The following MAML3 variants were observed in gnomAD, a reference collection of about 807,000 sequenced individuals.
MAML3 encodes the protein mastermind-like protein 3.
MAML3 carries 27 observed loss-of-function variants against 101.9 expected under a neutral mutation model. That is an observed-to-expected ratio of 0.27 (90% CI 0.20 to 0.37). The LOEUF (loss-of-function observed/expected upper bound fraction) is 0.37. MAML3 is among the 10% of genes least tolerant of loss of function. The pLI is 1.00. For missense variants in MAML3, 1,316 were observed against 1,444.9 expected (o/e 0.91, Z 1.45); for synonymous variants, 501 against 555.9 (o/e 0.90, Z 1.39).
At chr4:140,050,695 A>G (rs1280566706) in intron 1 of MAML3, among the ~76,000 whole-genome samples, 1 of 152,202 alleles carries the variant, frequency 6.6e-6, no homozygotes, top group Non-Finnish European at 1.5e-5. Context: ...TTCTATAGGC[A>G]GGAGTCCTCA....
chr4:139,760,327 A>G (rs183947634), intron 2 of MAML3, among the ~76,000 whole-genome samples: 1 of 152,342 alleles, frequency 6.6e-6, no homozygotes, highest in East Asian at 1.9e-4. Context: ...TCAGGTGAAC[A>G]AGAAACCAGC....
At position 139,745,325 on chromosome 4, in the gene MAML3, C is replaced by T. The variant is rs770649574; in HGVS notation, c.2080-14658G>A. Among the ~76,000 whole-genome samples, 32 of 152,162 alleles carry T rather than the reference C, an allele frequency of 2.1e-4. No homozygotes were observed. In the East Asian group the frequency reaches 2.7e-3, roughly 13 times the overall value. ...ACAGCAGGTTCTTAAAGGGAATAAA[C>T]GCTAAATGCATTACTTTAAGGAGAT... On this transcript the variant is annotated intron_variant, in intron 2 of 4. Transcript: ENST00000509479.
chr4:139,928,275 G>A (rs1057118890), intron 1 of MAML3, among the ~76,000 whole-genome samples: 1 of 152,166 alleles, frequency 6.6e-6, no homozygotes, highest in Non-Finnish European at 1.5e-5. Context: ...GATTGATTTG[G>A]AAATGGATTT....
At chr4:139,912,805 C>T (rs1254761998) in intron 1 of MAML3, among the ~76,000 whole-genome samples, 1 of 152,216 alleles carries the variant, frequency 6.6e-6, no homozygotes, top group African/African-American at 2.4e-5. Flanking sequence ...TCTGCAGAGT[C>T]TCAGAGGAAG....
intron 2 of MAML3, among the ~76,000 whole-genome samples, chr4:139,752,919 A>G (rs1407873654): frequency 6.6e-6 from 1 of 152,160 alleles, no homozygotes; most frequent in Non-Finnish European, 1.5e-5. Context: ...GGGAAAGAAA[A>G]TAGGATGGCG....
At chr4:139,775,769 G>T (rs1395794337) in intron 2 of MAML3, among the ~76,000 whole-genome samples, 1 of 152,132 alleles carries the variant, frequency 6.6e-6, no homozygotes, top group Non-Finnish European at 1.5e-5. Flanking sequence ...TGCTGACAGG[G>T]TGAAAAGCAC....
At chr4:139,767,004 C>T (rs948480544) in intron 2 of MAML3, among the ~76,000 whole-genome samples, 3 of 152,240 alleles carry the variant, frequency 2.0e-5, no homozygotes, top group Admixed American at 1.3e-4. Flanking sequence ...CTTATCTACA[C>T]ATAACAAGTA....
chr4:139,997,814 TAGGTACAGA>T (rs1359676685), intron 1 of MAML3, among the ~76,000 whole-genome samples: 4 of 152,096 alleles, frequency 2.6e-5, no homozygotes, highest in African/African-American at 9.6e-5. Context: ...ATAGTTTGGT[TAGGTACAGA>T]AGGTACAGAA....
At position 139,889,789 on chromosome 4, in the gene MAML3, G is replaced by T. The variant is rs1180439483; in HGVS notation, c.1647C>A (p.Asn549Lys). ...CCATTGGAGGCACTATAGGGTTTTG[G>T]TTGTTAAAGGCTTGGGGGTACATCA... The part of the protein sequence containing the change: ...SPMMYPQAFN[N>K]QNPIVPPMAN... The change falls in exon 2 of 5, where the codon AAC becomes AAA. Residue 549 changes from asparagine (N) to lysine (K), a missense_variant. Coordinates refer to ENST00000509479, the MANE Select transcript of MAML3 (RefSeq NM_018717.5). 6.2e-7 allele frequency: 1 copy of T among 1,614,020 alleles called. No individual in the cohort carries two copies. Among genetic ancestry groups the T allele is most frequent in the East Asian group, 2.2e-5 (1 of 44,882 alleles).
chr4:139,770,928 C>G (rs6852267), intron 2 of MAML3, among the ~76,000 whole-genome samples: 94,238 of 151,944 alleles, frequency 0.62, 29,892 homozygotes, highest in South Asian at 0.74. Context: ...AGGTTGGGAA[C>G]GCTGCCCAGA....
chr4:140,092,088 GTA>G (rs371237469), intron 1 of MAML3, among the ~76,000 whole-genome samples: 101 of 76,096 alleles, frequency 1.3e-3, no homozygotes, highest in African/African-American at 2.1e-3. Flanking sequence ...ATATATATAC[GTA>G]TATATATATA....
chr4:139,956,840 C>G (rs571736196), intron 1 of MAML3, among the ~76,000 whole-genome samples: 2 of 152,280 alleles, frequency 1.3e-5, no homozygotes, highest in Non-Finnish European at 2.9e-5. Context: ...GACAAAAGGT[C>G]GAGACACTCT....
intron 2 of MAML3, among the ~76,000 whole-genome samples, chr4:139,840,601 T>C (rs1390560577): frequency 2.6e-5 from 4 of 152,214 alleles, no homozygotes; most frequent in Non-Finnish European, 5.9e-5. Context: ...ATGCGGTAGT[T>C]GCTTTTCAAA....
chr4:139,944,905 T>C (rs1733677491), intron 1 of MAML3, among the ~76,000 whole-genome samples: 1 of 148,382 alleles, frequency 6.7e-6, no homozygotes, highest in African/African-American at 2.5e-5. Flanking sequence ...TCCTCAGGGA[T>C]CTAGAACTGG....
chr4:139,980,899 A>G (rs10519516), intron 1 of MAML3, among the ~76,000 whole-genome samples: 3,695 of 152,362 alleles, frequency 0.024, 149 homozygotes, highest in African/African-American at 0.082. Context: ...TTGTGTAGCC[A>G]GAGAATACTC....
intron 1 of MAML3, among the ~76,000 whole-genome samples, chr4:140,151,503 G>A (rs1281405205): frequency 2.0e-5 from 3 of 152,114 alleles, no homozygotes; most frequent in Non-Finnish European, 4.4e-5. Flanking sequence ...GCACCACCCC[G>A]GCGCCGGGGA....
chr4:139,945,876 C>CA (rs1270361925), intron 1 of MAML3, among the ~76,000 whole-genome samples: 1 of 151,962 alleles, frequency 6.6e-6, no homozygotes, highest in Non-Finnish European at 1.5e-5. Flanking sequence ...AGGAAACAAA[C>CA]AAAAAAAGGT....
intron 2 of MAML3, among the ~76,000 whole-genome samples, chr4:139,815,849 G>A (rs1427822377): frequency 6.6e-6 from 1 of 152,094 alleles, no homozygotes; most frequent in Non-Finnish European, 1.5e-5. Context: ...GACCTCAGGA[G>A]ATAAACACCA....
intron 1 of MAML3, among the ~76,000 whole-genome samples, chr4:139,933,118 A>G (rs1733434498): frequency 6.6e-6 from 1 of 152,112 alleles, no homozygotes; most frequent in Non-Finnish European, 1.5e-5. Flanking sequence ...AGATGTGGAG[A>G]GAAAGAAAGA....
Sources: gnomAD v4.1 joint callset for allele counts (sites outside exome capture counted in the v4.1 genomes callset) on GRCh38, gnomAD v4.1.1 for gene constraint, MANE v1.5 for transcripts, NCBI Gene and HGNC (gene_info 2026-07-23, HGNC 2026-07-21) for gene names.